Variants in PDE1A observed in about 807,000 individuals in gnomAD.
The protein encoded by PDE1A is phosphodiesterase 1A, also known as dual specificity calcium/calmodulin-dependent 3',5'-cyclic nucleotide phosphodiesterase 1A.
Under a neutral mutation model 61.7 loss-of-function variants are expected in PDE1A, and 35 were observed. The observed-to-expected ratio is 0.57, with a 90% CI of 0.43 to 0.75. PDE1A has a LOEUF of 0.75. Among genes scored for constraint, PDE1A ranks in the 30% least tolerant of loss-of-function variants. The pLI, the probability that PDE1A is intolerant of heterozygous loss-of-function variation, is 0.00. For missense variants in PDE1A, 597 were observed against 630.6 expected, an observed-to-expected ratio of 0.95 and a Z score of 0.57; for synonymous variants, 232 against 213.2, an observed-to-expected ratio of 1.09 and a Z score of -0.77.
At chr2:182,433,916 A>C (rs1174009907) in intron 2 of PDE1A, among the ~76,000 whole-genome samples, 1 of 152,058 alleles carries the variant, frequency 6.6e-6, no homozygotes, top group Admixed American at 6.6e-5. Context: ...CTCATTGCTC[A>C]GATATCATTG....
intron 2 of PDE1A, among the ~76,000 whole-genome samples, chr2:182,516,580 G>A: frequency 6.6e-6 from 1 of 151,740 alleles, no homozygotes; most frequent in East Asian, 1.9e-4. Context: ...CTGAGCCTGG[G>A]AGGTCAAGGC....
chr2:182,315,417 A>G (rs1181505972), intron 1 of PDE1A, among the ~76,000 whole-genome samples: 1 of 152,208 alleles, frequency 6.6e-6, no homozygotes, highest in African/African-American at 2.4e-5. Context: ...AATATTAGTA[A>G]ATAAAAGCAA....
intron 1 of PDE1A, among the ~76,000 whole-genome samples, chr2:182,344,776 A>G (rs1346278011): frequency 1.3e-5 from 2 of 151,326 alleles, no homozygotes; most frequent in Non-Finnish European, 2.9e-5. Context: ...ACACATACAC[A>G]GTGTGCTCAC....
the PDE1A span, among the ~76,000 whole-genome samples, chr2:182,678,198 G>A: frequency 6.6e-6 from 1 of 152,186 alleles, no homozygotes; most frequent in East Asian, 1.9e-4. Context: ...GCCAAGGCAG[G>A]CGGATCATGA....
chr2:182,175,022 G>C (rs1189631400), intron 13 of PDE1A, among the ~76,000 whole-genome samples: 4 of 152,046 alleles, frequency 2.6e-5, no homozygotes, highest in African/African-American at 7.2e-5. Flanking sequence ...GTGTTAGTTT[G>C]CTGAGAATGA....
At chr2:182,152,412 C>CTT (rs559392112) in intron 13 of PDE1A, among the ~76,000 whole-genome samples, 1,451 of 75,256 alleles carry the variant, frequency 0.019, 2 homozygotes, top group Middle Eastern at 0.022. Flanking sequence ...TTTTTTTCCT[C>CTT]TTTTTTTTTT....
chr2:182,153,952 C>A (rs949470735), intron 13 of PDE1A, among the ~76,000 whole-genome samples: 15 of 152,012 alleles, frequency 9.9e-5, no homozygotes, highest in Non-Finnish European at 1.9e-4. Flanking sequence ...GAGAGAAATG[C>A]CAAAAATTCA....
At chr2:182,691,222 G>A in the PDE1A span, among the ~76,000 whole-genome samples, 4 of 152,164 alleles carry the variant, frequency 2.6e-5, no homozygotes, top group African/African-American at 7.2e-5. Context: ...ACATCACCAA[G>A]TCAATCCTAA....
At chr2:182,257,545 G>A (rs1019950052) in intron 2 of PDE1A, among the ~76,000 whole-genome samples, 3 of 152,192 alleles carry the variant, frequency 2.0e-5, no homozygotes, top group Non-Finnish European at 4.4e-5. Flanking sequence ...AGAAAGTAAT[G>A]CTCAAGCTTG....
intron 2 of PDE1A, among the ~76,000 whole-genome samples, chr2:182,261,487 TAATAA>T (rs1169482883): frequency 2.6e-5 from 4 of 152,130 alleles, no homozygotes; most frequent in African/African-American, 7.2e-5. Flanking sequence ...GGAAGCATTA[TAATAA>T]AATAATAAAA....
At chr2:182,683,031 CAT>C in the PDE1A span, among the ~76,000 whole-genome samples, 1 of 151,328 alleles carries the variant, frequency 6.6e-6, no homozygotes, top group Non-Finnish European at 1.5e-5. Flanking sequence ...TATGATCAAA[CAT>C]ATATGAATTG....
the PDE1A span, among the ~76,000 whole-genome samples, chr2:182,550,087 C>T: frequency 1.2e-4 from 19 of 152,180 alleles, no homozygotes; most frequent in African/African-American, 3.6e-4. Flanking sequence ...AAATTTCTGA[C>T]CCCAGATATC....
In PDE1A at chr2:182,276,235, A is replaced by G. The variant is rs833131; in HGVS notation, c.54-11821T>C. Reference sequence around the variant, plus strand: ...GAATGTAGACAAAAAATGAACAAAAATTGGTCTTAGAAGCTATGCTCCAAA... The same window carrying G: ...GAATGTAGACAAAAAATGAACAAAAGTTGGTCTTAGAAGCTATGCTCCAAA... On this transcript the variant is annotated intron_variant, in intron 1 of 13. Coordinates refer to ENST00000351439, the Ensembl canonical transcript of PDE1A. 4.1e-3 allele frequency among the ~76,000 whole-genome samples: 621 copies of G among 152,192 alleles called. 7 individuals are homozygous for G. The highest frequency in any genetic ancestry group is 0.015 in the African/African-American group (603 of 41,538).
chr2:182,600,027 A>G, the PDE1A span, among the ~76,000 whole-genome samples: 11 of 152,204 alleles, frequency 7.2e-5, no homozygotes, highest in African/African-American at 2.7e-4. Flanking sequence ...CTCTACTCCC[A>G]GGAGAAAAAT....
chr2:182,400,555 A>T (rs1248714617), intron 1 of PDE1A, among the ~76,000 whole-genome samples: 1 of 152,082 alleles, frequency 6.6e-6, no homozygotes, highest in East Asian at 1.9e-4. Flanking sequence ...CTGCAACCCT[A>T]ATTAGCCCTC....
intron 1 of PDE1A, among the ~76,000 whole-genome samples, chr2:182,422,966 C>A (rs562159907): frequency 1.6e-4 from 24 of 152,240 alleles, no homozygotes; most frequent in African/African-American, 5.3e-4. Context: ...CAAAGTATTT[C>A]TCCTGAGGAA....
chr2:182,369,912 C>T (rs146145398), intron 1 of PDE1A, among the ~76,000 whole-genome samples: 6,690 of 152,202 alleles, frequency 0.044, 314 homozygotes, highest in East Asian at 0.21. Flanking sequence ...CAGTGGCTCA[C>T]GCCTGTAATC....
the PDE1A span, among the ~76,000 whole-genome samples, chr2:182,644,532 T>C: frequency 6.6e-6 from 1 of 152,178 alleles, no homozygotes. Flanking sequence ...CATGTTGTTA[T>C]ATAGTTTAAG....
At chr2:182,312,319 G>GT (rs908030684) in intron 1 of PDE1A, among the ~76,000 whole-genome samples, 10 of 151,896 alleles carry the variant, frequency 6.6e-5, no homozygotes, top group East Asian at 3.9e-4. Flanking sequence ...AGTCCATCAT[G>GT]TTTTTTTAAT....
Sources: allele counts gnomAD v4.1 joint callset (sites outside exome capture counted in the v4.1 genomes callset), GRCh38; gene constraint gnomAD v4.1.1; transcripts MANE v1.5; gene names NCBI Gene and HGNC (gene_info 2026-07-23, HGNC 2026-07-21).